Variants in FAM184B observed in about 807,000 individuals in gnomAD.
FAM184B encodes family with sequence similarity 184 member B, also known as protein FAM184B.
FAM184B carries 111 observed loss-of-function variants against 135.9 expected under a neutral mutation model. The ratio of observed to expected loss-of-function variants is 0.82; its 90% CI spans 0.70 to 0.96. The LOEUF is 0.96. Ranked by LOEUF, FAM184B falls within the 40% of genes least tolerant of loss-of-function variation. FAM184B has a pLI of 0.00. For missense variants in FAM184B, 1,375 were observed against 1,323.9 expected (o/e 1.04, Z -0.60); for synonymous variants, 552 against 524.8 (o/e 1.05, Z -0.71).
intron 1 of FAM184B, among the ~76,000 whole-genome samples, chr4:17,758,302 T>C (rs904232660): frequency 6.6e-6 from 1 of 152,232 alleles, no homozygotes; most frequent in Admixed American, 6.5e-5. Flanking sequence ...GAAGCAGCAA[T>C]GCTTCATGAT....
intron 1 of FAM184B, among the ~76,000 whole-genome samples, chr4:17,762,325 AC>A (rs1402260945): frequency 2.6e-5 from 4 of 152,130 alleles, no homozygotes; most frequent in Non-Finnish European, 5.9e-5. Context: ...GTAACAAACT[AC>A]CCCTTAAATT....
At position 17,664,769 on chromosome 4, in the gene FAM184B, C is replaced by CA; in HGVS notation, c.1597-111_1597-110insT. ...AAATCAGAGAGCAGAGAAGAGGGAG[C>CA]CCCCAGCAACCCACTATCGGTGCCC... On this transcript the variant is annotated intron_variant, in intron 7 of 17. Coordinates refer to ENST00000265018, the MANE Select transcript of FAM184B (RefSeq NM_015688.2). 3.6e-6 allele frequency: 3 copies of CA among 827,514 alleles called. No homozygotes were observed. In the South Asian group the frequency reaches 5.5e-5, roughly 15 times the overall value. 51.3% of individuals were successfully genotyped at this position (827,514 alleles called of 1,614,324 possible).
chr4:17,707,402 T>C (rs1717142438), intron 3 of FAM184B, among the ~76,000 whole-genome samples: 1 of 152,182 alleles, frequency 6.6e-6, no homozygotes. Context: ...GGGAAATATC[T>C]GGGGGCAAGG....
intron 5 of FAM184B, among the ~76,000 whole-genome samples, chr4:17,697,478 G>C (rs915182082): frequency 2.0e-5 from 3 of 152,128 alleles, no homozygotes; most frequent in Non-Finnish European, 2.9e-5. Context: ...CTTTTGCAGG[G>C]CTTGTTGTTT....
In FAM184B at chr4:17,632,043, ATTTTTTTTTTTTTT is replaced by A. The variant is rs199549580; in HGVS notation, c.*475_*488del. ...TTTTAATAACACTGGTTTAATGTCA[ATTTTTTTTTTTTTT>A]TTTTTTTTTTTTTTTTTTTTTTTTT... On this transcript the variant is annotated 3_prime_UTR_variant, in exon 18 of 18. Transcript: ENST00000265018. The A allele has an allele frequency of 2.8e-4, 33 of 117,604 alleles. No individual in the cohort carries two copies. The highest frequency in any genetic ancestry group is 1.4e-3 in the South Asian group (5 of 3,604). 7.3% of individuals were successfully genotyped at this position (117,604 alleles called of 1,614,324 possible). A position where few individuals can be genotyped will look rare whatever the true frequency, so the allele number is the denominator to read the frequency against.
At chr4:17,748,883 A>T (rs1169995128) in intron 1 of FAM184B, among the ~76,000 whole-genome samples, 1 of 151,128 alleles carries the variant, frequency 6.6e-6, no homozygotes, top group African/African-American at 2.4e-5. Context: ...ACATGAGTGT[A>T]TTGGGTGCAA....
At chr4:17,673,094 A>G (rs1259902122) in intron 7 of FAM184B, among the ~76,000 whole-genome samples, 2 of 152,186 alleles carry the variant, frequency 1.3e-5, no homozygotes, top group African/African-American at 2.4e-5. Context: ...AAAACAAACA[A>G]TCCCACCAAA....
chr4:17,653,134 T>C (rs1715673871), intron 10 of FAM184B, among the ~76,000 whole-genome samples, 151 bp from the exon 11 acceptor site: 1 of 150,856 alleles, frequency 6.6e-6, no homozygotes, highest in Non-Finnish European at 1.5e-5. Flanking sequence ...GCTGTAGCAA[T>C]GGCCTGGCCA....
At chr4:17,767,363 C>T (rs1445468933) in intron 1 of FAM184B, among the ~76,000 whole-genome samples, 2 of 152,218 alleles carry the variant, frequency 1.3e-5, no homozygotes, top group Admixed American at 6.5e-5. Flanking sequence ...ATGCTGTCAC[C>T]TCTCAGTAAG....
intron 3 of FAM184B, among the ~76,000 whole-genome samples, chr4:17,706,204 T>G (rs1432689136): frequency 1.3e-5 from 2 of 152,342 alleles, no homozygotes; most frequent in Admixed American, 1.3e-4. Context: ...AATAGGAATT[T>G]AAAGGATGAA....
At chr4:17,639,478 G>A (rs1043304461) in intron 13 of FAM184B, 82 bp from the exon 14 acceptor site, 24 of 1,476,094 alleles carry the variant, frequency 1.6e-5, no homozygotes, top group Middle Eastern at 2.3e-4. Context: ...TTCCCTCATC[G>A]CTGCCCAGTT....
chr4:17,771,863 T>G (rs1278249454), intron 1 of FAM184B, among the ~76,000 whole-genome samples: 1 of 152,218 alleles, frequency 6.6e-6, no homozygotes, highest in South Asian at 2.1e-4. Flanking sequence ...GCTTCAGATA[T>G]GCCCCGTGTT....
chr4:17,651,744 A>G (rs1282739206), intron 11 of FAM184B, among the ~76,000 whole-genome samples: 4 of 152,114 alleles, frequency 2.6e-5, no homozygotes, highest in Non-Finnish European at 4.4e-5. Flanking sequence ...CAGAGCAGTT[A>G]AGCAAATTCC....
chr4:17,693,413 C>T lies in FAM184B; in HGVS notation c.1378-1G>A. The stretch of plus-strand genomic sequence containing the variant: ...CTTCCTCCAACTGTGCTTCTACTTC[C>T]TAAATGATGATTGGAAGAGTTAACC... On this transcript the variant is annotated splice_acceptor_variant, in intron 5 of 17. Transcript: ENST00000265018. LOFTEE classifies it high-confidence loss of function. 1.3e-6 allele frequency: 2 copies of T among 1,550,752 alleles called. No homozygotes were observed. The highest frequency in any genetic ancestry group is 8.7e-7 in the Non-Finnish European group (1 of 1,146,272).
At chr4:17,684,222 CTAT>C (rs34197597) in intron 7 of FAM184B, among the ~76,000 whole-genome samples, 76,607 of 144,428 alleles carry the variant, frequency 0.53, 22,237 homozygotes, top group East Asian at 0.81. Context: ...AATATAATTA[CTAT>C]TATTATTATT....
intron 1 of FAM184B, among the ~76,000 whole-genome samples, chr4:17,754,881 T>A (rs1718385223): frequency 1.3e-5 from 2 of 148,820 alleles, no homozygotes; most frequent in African/African-American, 2.5e-5. Context: ...AATTAAAACT[T>A]TTTTTTTTTT....
intron 1 of FAM184B, among the ~76,000 whole-genome samples, chr4:17,763,699 G>C (rs986584863): frequency 6.6e-6 from 1 of 152,086 alleles, no homozygotes; most frequent in African/African-American, 2.4e-5. Flanking sequence ...TTATTCAGAG[G>C]CCATCCTTCT....
intron 11 of FAM184B, among the ~76,000 whole-genome samples, chr4:17,652,516 C>T (rs1377671558): frequency 6.6e-6 from 1 of 152,226 alleles, no homozygotes; most frequent in Non-Finnish European, 1.5e-5. Flanking sequence ...ATGAGACTCA[C>T]AGTAAGCCAT....
At chr4:17,688,399 TA>T in intron 7 of FAM184B, 24 bp downstream of exon 7, 1 of 1,506,270 alleles carries the variant, frequency 6.6e-7, no homozygotes, top group Non-Finnish European at 9.0e-7. Context: ...TATCTTTAAT[TA>T]AATCTGACAA....
Sources: gnomAD v4.1 joint callset for allele counts (sites outside exome capture counted in the v4.1 genomes callset) on GRCh38, gnomAD v4.1.1 for gene constraint, MANE v1.5 for transcripts, NCBI Gene and HGNC (gene_info 2026-07-23, HGNC 2026-07-21) for gene names.